The following CNTN4 variants were observed in gnomAD, a reference collection of about 807,000 sequenced individuals.
CNTN4 encodes the protein contactin 4.
Under a neutral mutation model 122.5 loss-of-function variants are expected in CNTN4, and 77 were observed. That is an observed-to-expected ratio of 0.63 (90% CI 0.52 to 0.76). The LOEUF (loss-of-function observed/expected upper bound fraction) is 0.76, where lower values mean the gene tolerates loss of function less well. Among genes scored for constraint, CNTN4 ranks in the 30% least tolerant of loss-of-function variants. The pLI is 0.00. For synonymous variants in CNTN4, 512 were observed against 447.0 expected, an observed-to-expected ratio of 1.15 and a Z score of -1.83; for missense variants, 1,256 against 1,259.1, an observed-to-expected ratio of 1.00 and a Z score of 0.04.
chr3:2,577,357 T>C (rs1420636413), intron 4 of CNTN4, among the ~76,000 whole-genome samples: 1 of 152,338 alleles, frequency 6.6e-6, no homozygotes, highest in East Asian at 1.9e-4. Context: ...TATATATGTA[T>C]GTGTATGCAT....
At chr3:3,046,977 C>T (rs1700728570) in intron 23 of CNTN4, among the ~76,000 whole-genome samples, 1 of 143,418 alleles carries the variant, frequency 7.0e-6, no homozygotes, top group Non-Finnish European at 1.5e-5. Context: ...GGTTGCAATC[C>T]TAGTCTCTGA....
chr3:2,254,197 T>C (rs2040488673), intron 2 of CNTN4, among the ~76,000 whole-genome samples: 1 of 152,292 alleles, frequency 6.6e-6, no homozygotes, highest in South Asian at 2.1e-4. Flanking sequence ...GCTTCATCCA[T>C]GTCCCTGCAA....
intron 3 of CNTN4, among the ~76,000 whole-genome samples, chr3:2,537,426 C>A (rs1575899334): frequency 6.6e-6 from 1 of 152,042 alleles, no homozygotes; most frequent in Non-Finnish European, 1.5e-5. Flanking sequence ...TGTGATGTTG[C>A]CGTTTGTCAC....
chr3:2,295,009 A>T (rs1285351472), intron 2 of CNTN4, among the ~76,000 whole-genome samples: 1 of 152,050 alleles, frequency 6.6e-6, no homozygotes, highest in Non-Finnish European at 1.5e-5. Context: ...ACATGAACTC[A>T]TCATTTTTTA....
intron 3 of CNTN4, among the ~76,000 whole-genome samples, chr3:2,402,093 C>A (rs866495675): frequency 6.6e-6 from 1 of 152,096 alleles, no homozygotes; most frequent in Middle Eastern, 3.2e-3. Flanking sequence ...GTTGGTTTGA[C>A]AAACTGATCA....
intron 2 of CNTN4, among the ~76,000 whole-genome samples, chr3:2,196,317 C>G (rs1200951407): frequency 1.3e-5 from 2 of 152,124 alleles, no homozygotes; most frequent in Admixed American, 6.6e-5. Flanking sequence ...TATATTTTTA[C>G]TTTTCTGTGA....
chr3:2,491,133 A>T lies in CNTN4; in HGVS notation c.-88-80283A>T, dbSNP rs560436529. 4.9e-4 allele frequency among the ~76,000 whole-genome samples: 74 copies of T among 152,326 alleles called. 1 individual carries two copies. The highest frequency in any genetic ancestry group is 9.3e-4 in the Non-Finnish European group (63 of 68,012). ...TAGAACAAGACATTTAAAAGTGTATATTGTGCCTAATATATCTCTTTTCTC... is the reference window on the plus strand; with the variant it reads ...TAGAACAAGACATTTAAAAGTGTATTTTGTGCCTAATATATCTCTTTTCTC... On this transcript the variant is annotated intron_variant, in intron 3 of 24. Coordinates refer to ENST00000418658, the MANE Select transcript of CNTN4 (RefSeq NM_175607.3).
chr3:2,559,698 G>C (rs892800489), intron 3 of CNTN4, among the ~76,000 whole-genome samples: 2 of 152,114 alleles, frequency 1.3e-5, no homozygotes, highest in African/African-American at 2.4e-5. Context: ...TTTGCAGAAG[G>C]CTTCTGGAAA....
At chr3:2,262,817 G>C (rs1048560352) in intron 2 of CNTN4, among the ~76,000 whole-genome samples, 5 of 152,012 alleles carry the variant, frequency 3.3e-5, no homozygotes, top group African/African-American at 1.2e-4. Flanking sequence ...TTTTCTCTTT[G>C]AATTAAAACT....
rs528665965 is a variant in CNTN4, at chr3:2,576,489, A to C, written c.55+4931A>C. ...TTGGTCTGTGTGCCTTGAAGTCTAT[A>C]TCTTGGTGCAACACTGCCTCTCCCA... On this transcript the variant is annotated intron_variant, in intron 4 of 24. Transcript: ENST00000418658. 9.5e-4 allele frequency among the ~76,000 whole-genome samples: 145 copies of C among 151,928 alleles called. 1 individual carries two copies. Among genetic ancestry groups the C allele is most frequent in the African/African-American group, 3.4e-3 (140 of 41,418 alleles).
At chr3:2,305,227 G>A (rs2042662659) in intron 2 of CNTN4, among the ~76,000 whole-genome samples, 1 of 152,116 alleles carries the variant, frequency 6.6e-6, no homozygotes, top group African/African-American at 2.4e-5. Flanking sequence ...TGTCAGCCTA[G>A]CATGGCAGTA....
chr3:2,752,288 A>C (rs1354450766), intron 6 of CNTN4, among the ~76,000 whole-genome samples: 8 of 152,214 alleles, frequency 5.3e-5, no homozygotes, highest in Non-Finnish European at 1.5e-5. Context: ...TCATGCAACT[A>C]AACTATCATT....
At chr3:3,048,582 T>A (rs1421748650) in intron 23 of CNTN4, among the ~76,000 whole-genome samples, 2 of 151,922 alleles carry the variant, frequency 1.3e-5, no homozygotes, top group Non-Finnish European at 2.9e-5. Flanking sequence ...TCCCGTGATA[T>A]CTCACGTCCC....
intron 3 of CNTN4, among the ~76,000 whole-genome samples, chr3:2,518,175 TACCTA>T (rs1257968103): frequency 6.6e-6 from 1 of 152,164 alleles, no homozygotes; most frequent in African/African-American, 2.4e-5. Context: ...TAAACTTTCT[TACCTA>T]AATTATTAGG....
intron 13 of CNTN4, among the ~76,000 whole-genome samples, chr3:2,979,787 T>C (rs1693786661): frequency 6.6e-6 from 1 of 152,138 alleles, no homozygotes; most frequent in East Asian, 1.9e-4. Flanking sequence ...AGGAGAGAAG[T>C]GGTTTTCTAA....
At chr3:2,979,072 C>G (rs1274868907) in intron 13 of CNTN4, among the ~76,000 whole-genome samples, 1 of 152,202 alleles carries the variant, frequency 6.6e-6, no homozygotes, top group African/African-American at 2.4e-5. Context: ...CGTGATAGCT[C>G]TGGTGGCTTA....
At chr3:2,389,865 C>T (rs1031877384) in intron 3 of CNTN4, among the ~76,000 whole-genome samples, 1 of 152,078 alleles carries the variant, frequency 6.6e-6, no homozygotes, top group African/African-American at 2.4e-5. Context: ...GGAAACATCA[C>T]ACAAAGCTAA....
intron 3 of CNTN4, among the ~76,000 whole-genome samples, chr3:2,513,550 G>C (rs985760369): frequency 1.3e-5 from 2 of 151,726 alleles, no homozygotes; most frequent in African/African-American, 4.8e-5. Flanking sequence ...AGAAACGATT[G>C]CCTTCTGTAG....
intron 2 of CNTN4, among the ~76,000 whole-genome samples, chr3:2,276,900 A>G (rs1176884128): frequency 1.3e-5 from 2 of 152,142 alleles, no homozygotes; most frequent in Non-Finnish European, 2.9e-5. Context: ...TGGGCGAGCT[A>G]CTGCACTCCA....
Sources: gnomAD v4.1 joint callset for allele counts (sites outside exome capture counted in the v4.1 genomes callset) on GRCh38, gnomAD v4.1.1 for gene constraint, MANE v1.5 for transcripts, NCBI Gene and HGNC (gene_info 2026-07-23, HGNC 2026-07-21) for gene names.